TBC1D19: variants seen among roughly 807,000 people sequenced by gnomAD.
TBC1D19 encodes TBC1 domain family, member 19.
A neutral mutation model predicts 89.0 loss-of-function variants in TBC1D19; 60 were observed. The observed-to-expected ratio is 0.67, with a 90% CI of 0.55 to 0.84. The LOEUF is 0.84. TBC1D19 is among the 40% of genes least tolerant of loss of function. The pLI, the probability that TBC1D19 is intolerant of heterozygous loss-of-function variation, is 0.00. For synonymous variants in TBC1D19, 189 were observed against 199.7 expected (o/e 0.95, Z 0.45); for missense variants, 500 against 610.8 (o/e 0.82, Z 1.91).
chr4:26,810,312 C>G, the TBC1D19 span, among the ~76,000 whole-genome samples: 1 of 152,110 alleles, frequency 6.6e-6, no homozygotes, highest in Non-Finnish European at 1.5e-5. Flanking sequence ...GAATCTTTGT[C>G]TCAGAATCGC....
intron 15 of TBC1D19, among the ~76,000 whole-genome samples, chr4:26,729,755 T>A (rs904113388): frequency 4.6e-5 from 7 of 152,316 alleles, no homozygotes; most frequent in Admixed American, 4.6e-4. Context: ...TAAGGCCAGA[T>A]CAAAGGTCTT....
At chr4:26,673,442 T>TACAC (rs1167477111) in intron 10 of TBC1D19, among the ~76,000 whole-genome samples, 601 of 14,660 alleles carry the variant, frequency 0.041, 1 homozygote, top group Admixed American at 0.16. Flanking sequence ...TATATATATA[T>TACAC]ATATACACAC....
intron 1 of TBC1D19, among the ~76,000 whole-genome samples, chr4:26,605,686 C>T (rs570491883): frequency 2.2e-4 from 34 of 152,182 alleles, no homozygotes; most frequent in African/African-American, 8.2e-4. Flanking sequence ...TAAAAGTGTT[C>T]CTATTTCTCC....
the TBC1D19 span, among the ~76,000 whole-genome samples, chr4:26,797,432 T>C: frequency 3.3e-5 from 5 of 152,186 alleles, no homozygotes; most frequent in Admixed American, 1.3e-4. Flanking sequence ...TGCTCATGGA[T>C]TGGAATAATT....
upstream of TBC1D19, among the ~76,000 whole-genome samples, chr4:26,579,447 T>C (rs1174545866): frequency 6.6e-6 from 1 of 152,090 alleles, no homozygotes; most frequent in African/African-American, 2.4e-5. Context: ...CAAACAGAAA[T>C]GTATACATTG....
the TBC1D19 span, among the ~76,000 whole-genome samples, chr4:26,786,719 G>A: frequency 1.3e-5 from 2 of 148,298 alleles, no homozygotes; most frequent in Admixed American, 6.7e-5. Context: ...ATGAACAGGT[G>A]GGTGGATAGG....
At chr4:26,679,329 A>ATG (rs1713124092) in intron 11 of TBC1D19, among the ~76,000 whole-genome samples, 1 of 152,168 alleles carries the variant, frequency 6.6e-6, no homozygotes, top group South Asian at 2.1e-4. Flanking sequence ...AGGGGCCAAG[A>ATG]TACAGGTCAG....
the TBC1D19 span, among the ~76,000 whole-genome samples, chr4:26,799,347 A>AAAC: frequency 7.9e-5 from 12 of 152,034 alleles, no homozygotes; most frequent in South Asian, 2.1e-4. Context: ...AAAGAGGAAA[A>AAAC]AAACAAACAA....
chr4:26,791,708 A>G, the TBC1D19 span, among the ~76,000 whole-genome samples: 2 of 152,184 alleles, frequency 1.3e-5, no homozygotes, highest in African/African-American at 4.8e-5. Flanking sequence ...AGAAGAATCA[A>G]TAAAGACTCA....
the TBC1D19 span, among the ~76,000 whole-genome samples, chr4:26,831,914 A>G: frequency 6.6e-6 from 1 of 152,156 alleles, no homozygotes; most frequent in Non-Finnish European, 1.5e-5. Flanking sequence ...TTAAAGGTTT[A>G]AGGATGCTAT....
At chr4:26,694,002 C>T (rs1714530029) in intron 13 of TBC1D19, among the ~76,000 whole-genome samples, 1 of 152,106 alleles carries the variant, frequency 6.6e-6, no homozygotes, top group South Asian at 2.1e-4. Context: ...TCTGCATTTC[C>T]AACTGAGGTA....
intron 8 of TBC1D19, among the ~76,000 whole-genome samples, chr4:26,663,337 TTAA>T (rs1029874885): frequency 2.9e-4 from 44 of 152,182 alleles, no homozygotes; most frequent in Non-Finnish European, 1.3e-4. Flanking sequence ...TAATTAAGAA[TTAA>T]TGATGACTGA....
chr4:26,716,094 A>T (rs1716587812), intron 13 of TBC1D19, among the ~76,000 whole-genome samples: 1 of 152,072 alleles, frequency 6.6e-6, no homozygotes, highest in African/African-American at 2.4e-5. Context: ...TACCTAATAC[A>T]CTATATAATG....
chr4:26,820,096 A>G, the TBC1D19 span, among the ~76,000 whole-genome samples: 3 of 152,184 alleles, frequency 2.0e-5, no homozygotes, highest in Non-Finnish European at 2.9e-5. Flanking sequence ...GCTTTGATCT[A>G]TGTGTACATT....
At chr4:26,665,943 A>G (rs1711769128) in intron 8 of TBC1D19, among the ~76,000 whole-genome samples, 1 of 152,078 alleles carries the variant, frequency 6.6e-6, no homozygotes, top group African/African-American at 2.4e-5. Context: ...TCAAAAGGCA[A>G]GAAGTAAAAC....
the TBC1D19 span, among the ~76,000 whole-genome samples, chr4:26,828,407 T>C: frequency 6.6e-6 from 1 of 152,250 alleles, no homozygotes; most frequent in Non-Finnish European, 1.5e-5. Context: ...CTTTGGCTGT[T>C]TCATAGAATG....
At chr4:26,796,593 G>A in the TBC1D19 span, among the ~76,000 whole-genome samples, 360 of 152,210 alleles carry the variant, frequency 2.4e-3, 9 homozygotes, top group East Asian at 0.048. Flanking sequence ...CAGCACTTTG[G>A]GAGGCTGAGG....
rs149429793 is a variant in TBC1D19 at position 26,610,916 on chromosome 4, C to T, written c.100-2253C>T. 5.5e-3 allele frequency among the ~76,000 whole-genome samples: 841 copies of T among 152,104 alleles called. 6 individuals carry two copies. The highest frequency in any genetic ancestry group is 0.019 in the African/African-American group (785 of 41,498). On this transcript the variant is annotated intron_variant, in intron 1 of 20. Coordinates refer to ENST00000264866, the MANE Select transcript of TBC1D19 (RefSeq NM_018317.4). ...TAGTGCTGCAATGAACATAGGCATG[C>T]GTATGTCTTTACGGTAGAATGATTT...
chr4:26,666,073 C>A (rs535605041), intron 8 of TBC1D19, among the ~76,000 whole-genome samples: 128 of 151,872 alleles, frequency 8.4e-4, no homozygotes, highest in African/African-American at 2.9e-3. Flanking sequence ...ATGCTTATAT[C>A]TTTTCTATTC....
Sources: gnomAD v4.1 joint callset for allele counts (sites outside exome capture counted in the v4.1 genomes callset) on GRCh38, gnomAD v4.1.1 for gene constraint, MANE v1.5 for transcripts, NCBI Gene and HGNC (gene_info 2026-07-23, HGNC 2026-07-21) for gene names.